The following NOX4 variants were observed in gnomAD, a reference collection of about 807,000 sequenced individuals.
The protein encoded by NOX4 is kidney oxidase-1.
A neutral mutation model predicts 87.6 loss-of-function variants in NOX4; 69 were observed. The ratio of observed to expected loss-of-function variants is 0.79; its 90% CI spans 0.65 to 0.96. The LOEUF is 0.96. Ranked by LOEUF, NOX4 falls within the 40% of genes least tolerant of loss-of-function variation. The pLI, the probability that NOX4 is intolerant of heterozygous loss-of-function variation, is 0.00. For synonymous variants in NOX4, 275 were observed against 238.2 expected (o/e 1.15, Z -1.42); for missense variants, 680 against 681.5 (o/e 1.00, Z 0.02).
Position 89,474,458 on chromosome 11 carries a change from C to CA in NOX4, c.153+15999dup, listed in dbSNP as rs67342388. ...TTCACTGCCGTATGATCTATAATAC[C>CA]AAAAAAAAAAAAAAAAAAAAGGAAT... On this transcript the variant is annotated intron_variant, in intron 2 of 17. Coordinates refer to ENST00000263317, the MANE Select transcript of NOX4 (RefSeq NM_016931.5). Among the ~76,000 whole-genome samples, 831 of 96,920 alleles carry CA rather than the reference C, an allele frequency of 8.6e-3. 3 individuals are homozygous for CA. The highest frequency in any genetic ancestry group is 0.03 in the South Asian group (81 of 2,714). The allele number at this position is 96,920 out of a possible 152,430, so 63.6% of individuals were successfully genotyped here.
the NOX4 span, among the ~76,000 whole-genome samples, chr11:89,561,640 C>T: frequency 6.6e-6 from 1 of 152,148 alleles, no homozygotes; most frequent in Non-Finnish European, 1.5e-5. Flanking sequence ...ATATTATTTA[C>T]TAATTCATTC....
intron 8 of NOX4, among the ~76,000 whole-genome samples, chr11:89,409,273 GT>G (rs1390926807): frequency 6.6e-6 from 1 of 151,924 alleles, no homozygotes; most frequent in Admixed American, 6.6e-5. Context: ...TTCTCATCTT[GT>G]AATACCAGCT....
At chr11:89,501,876 A>G (rs186287788), upstream of NOX4, among the ~76,000 whole-genome samples, 43 of 152,248 alleles carry the variant, frequency 2.8e-4, no homozygotes, top group African/African-American at 8.9e-4. Context: ...ATTTACTGTG[A>G]GCCAGAAACA....
chr11:89,333,808 A>C (rs1945581347), intron 17 of NOX4, among the ~76,000 whole-genome samples: 1 of 151,770 alleles, frequency 6.6e-6, no homozygotes. Flanking sequence ...TGCTACATAA[A>C]AATCCTTCAG....
At chr11:89,488,468 C>A (rs1375582613) in intron 2 of NOX4, among the ~76,000 whole-genome samples, 1 of 152,084 alleles carries the variant, frequency 6.6e-6, no homozygotes, top group Non-Finnish European at 1.5e-5. Context: ...TCTGACTTAC[C>A]ACCAAATTAA....
At chr11:89,435,379 A>C (rs1262912031) in intron 6 of NOX4, among the ~76,000 whole-genome samples, 1 of 152,052 alleles carries the variant, frequency 6.6e-6, no homozygotes, top group Non-Finnish European at 1.5e-5. Flanking sequence ...GATGTCTGCA[A>C]ATTACTTCAT....
intron 15 of NOX4, among the ~76,000 whole-genome samples, chr11:89,337,958 A>G (rs1374618640): frequency 6.6e-6 from 1 of 152,046 alleles, no homozygotes; most frequent in Non-Finnish European, 1.5e-5. Flanking sequence ...ACAAATAGAC[A>G]CTTTTTCCTG....
At chr11:89,376,173 C>T (rs182322093) in intron 11 of NOX4, among the ~76,000 whole-genome samples, 1 of 152,264 alleles carries the variant, frequency 6.6e-6, no homozygotes, top group Non-Finnish European at 1.5e-5. Context: ...TTTCTCTCAA[C>T]CTCTTGGAAA....
intron 2 of NOX4, among the ~76,000 whole-genome samples, chr11:89,479,284 G>C (rs1946295708): frequency 1.3e-5 from 2 of 152,068 alleles, no homozygotes; most frequent in African/African-American, 4.8e-5. Context: ...GTATAGCATG[G>C]GGATAAAAGA....
intron 11 of NOX4, among the ~76,000 whole-genome samples, chr11:89,389,165 C>A (rs1940937354): frequency 6.6e-6 from 1 of 152,108 alleles, no homozygotes; most frequent in Non-Finnish European, 1.5e-5. Flanking sequence ...AGGTGTACCA[C>A]AGCAAGAAAC....
intron 17 of NOX4, 78 bp downstream of exon 17, chr11:89,335,767 C>T: frequency 3.0e-6 from 2 of 667,782 alleles, no homozygotes; most frequent in South Asian, 2.6e-5. Context: ...AATTCATTTT[C>T]AAACTTCATG....
At position 89,474,458 on chromosome 11, in the gene NOX4, CAAAA is replaced by C. The variant is rs67342388; in HGVS notation, c.153+15996_153+15999del. Among the ~76,000 whole-genome samples, 442 of 97,032 alleles carry C rather than the reference CAAAA, an allele frequency of 4.6e-3. 2 individuals carry two copies. The highest frequency in any genetic ancestry group is 0.013 in the African/African-American group (374 of 29,702). The allele number at this position is 97,032 out of a possible 152,430, so 63.7% of individuals were successfully genotyped here. A position where few individuals can be genotyped will look rare whatever the true frequency, so the allele number is the denominator to read the frequency against. On this transcript the variant is annotated intron_variant, in intron 2 of 17. Coordinates refer to ENST00000263317, the MANE Select transcript of NOX4 (RefSeq NM_016931.5). ...TTCACTGCCGTATGATCTATAATAC[CAAAA>C]AAAAAAAAAAAAAAAAGGAATTAAA...
At chr11:89,448,220 A>T (rs1490472205) in intron 4 of NOX4, among the ~76,000 whole-genome samples, 1 of 151,676 alleles carries the variant, frequency 6.6e-6, no homozygotes, top group Non-Finnish European at 1.5e-5. Flanking sequence ...ACAGTTAAAA[A>T]CAACAACAAC....
chr11:89,493,413 G>C (rs1480063845), upstream of NOX4, among the ~76,000 whole-genome samples: 1 of 151,538 alleles, frequency 6.6e-6, no homozygotes, highest in Non-Finnish European at 1.5e-5. Context: ...GATGAGAAAC[G>C]GAAGCTAAAA....
chr11:89,405,776 G>A (rs1397173309), intron 8 of NOX4, among the ~76,000 whole-genome samples: 3 of 150,848 alleles, frequency 2.0e-5, no homozygotes, highest in Non-Finnish European at 2.9e-5. Flanking sequence ...AACTTGCATG[G>A]TAAAGATTAG....
chr11:89,373,464 C>T lies in NOX4; in HGVS notation c.1103G>A (p.Gly368Glu). 1 of 1,597,990 alleles carries T rather than the reference C, an allele frequency of 6.3e-7. No individual in the cohort carries two copies. Among genetic ancestry groups the T allele is most frequent in the Non-Finnish European group, 8.6e-7 (1 of 1,166,782 alleles). Residue 368 changes from glycine (G) to glutamate (E), a missense_variant, in exon 12 of 18, where the codon GGG (glycine) becomes GAG (glutamate). Gly to Glu is a moderately conservative substitution (Grantham distance 98). Transcript: ENST00000263317. ...GTCTCCTACTATTTTAAGATGAACC[C>T]CAAATGTTGCTTTGGTTTCAGTTGG... ...MCPTETKATF[G>E]VHLKIVGDWT...
chr11:89,467,315 C>T (rs954419530), intron 2 of NOX4, among the ~76,000 whole-genome samples: 6 of 130,000 alleles, frequency 4.6e-5, no homozygotes, highest in African/African-American at 1.5e-4. Flanking sequence ...CGCACCATTG[C>T]ACTCCAGCCT....
chr11:89,432,818 A>G lies in NOX4; in HGVS notation c.514T>C (p.Phe172Leu), dbSNP rs144332153. 44 of 1,611,636 alleles carry G rather than the reference A, an allele frequency of 2.7e-5. No homozygotes were observed. Among genetic ancestry groups the G allele is most frequent in the Non-Finnish European group, 3.0e-5 (35 of 1,178,462 alleles). ...LTGVCMVVVL[F>L]LMITASTYAI... Reference sequence around the variant, plus strand: ...TATGTAGAGGCTGTGATCATGAGGAATAGCACCACCACCATGCAGACCCCT... The same window carrying G: ...TATGTAGAGGCTGTGATCATGAGGAGTAGCACCACCACCATGCAGACCCCT... The change falls in exon 7 of 18, where the codon TTC (phenylalanine) becomes CTC (leucine). Residue 172 changes from phenylalanine to leucine, a missense_variant. Transcript: ENST00000263317.
intron 2 of NOX4, among the ~76,000 whole-genome samples, chr11:89,454,388 C>A (rs983193009): frequency 3.1e-4 from 47 of 152,086 alleles, no homozygotes; most frequent in Admixed American, 1.6e-3. Context: ...AGAGCTGTTA[C>A]AAAATAATAA....
Sources: gnomAD v4.1 joint callset for allele counts (sites outside exome capture counted in the v4.1 genomes callset) on GRCh38, gnomAD v4.1.1 for gene constraint, MANE v1.5 for transcripts, NCBI Gene and HGNC (gene_info 2026-07-23, HGNC 2026-07-21) for gene names.